Variants in ARNT2 observed in about 807,000 individuals in gnomAD.
The protein encoded by ARNT2 is aryl hydrocarbon receptor nuclear translocator 2.
Under a neutral mutation model 91.7 loss-of-function variants are expected in ARNT2, and 36 were observed. That is an observed-to-expected ratio of 0.39 (90% confidence interval 0.30 to 0.52). The LOEUF (loss-of-function observed/expected upper bound fraction) is 0.52. ARNT2 is among the 20% of genes least tolerant of loss of function. The pLI is 0.72. For synonymous variants in ARNT2, 365 were observed against 347.1 expected, an observed-to-expected ratio of 1.05 and a Z score of -0.57; for missense variants, 775 against 939.3, an observed-to-expected ratio of 0.83 and a Z score of 2.29.
intron 8 of ARNT2, among the ~76,000 whole-genome samples, chr15:80,546,836 G>T (rs1029716804): frequency 3.3e-5 from 5 of 152,028 alleles, no homozygotes; most frequent in Admixed American, 2.6e-4. Context: ...GGTGGCAGGC[G>T]CCTGTAATCC....
chr15:80,500,188 T>G (rs1248137448), intron 5 of ARNT2, among the ~76,000 whole-genome samples: 2 of 152,216 alleles, frequency 1.3e-5, no homozygotes, highest in African/African-American at 4.8e-5. Flanking sequence ...TGGTGTTTTT[T>G]CCTGTGTGCA....
intron 1 of ARNT2, among the ~76,000 whole-genome samples, chr15:80,409,480 T>C (rs1404306544): frequency 6.6e-6 from 1 of 152,224 alleles, no homozygotes; most frequent in Non-Finnish European, 1.5e-5. Flanking sequence ...ATTCACCTAC[T>C]GAAGGACATC....
chr15:80,480,270 G>C (rs1037870394), intron 5 of ARNT2, among the ~76,000 whole-genome samples: 2 of 152,150 alleles, frequency 1.3e-5, no homozygotes, highest in African/African-American at 4.8e-5. Context: ...AGCAGAGCCT[G>C]TGACTGTAAC....
In ARNT2 at chr15:80,576,915, C is replaced by G. The variant is rs758760798; in HGVS notation, c.1563C>G (p.Ile521Met). 2.5e-6 allele frequency: 4 copies of G among 1,614,128 alleles called. No homozygotes were observed. The South Asian group carries it at 4.4e-5, about 18-fold the overall frequency. Residue 521 changes from isoleucine (I) to methionine (M), a missense_variant, in exon 15 of 19, where the codon ATC becomes ATG. Transcript: ENST00000303329. ...CCTCTGCAGCAGGAACCCAGCAGATCTACTCCCAAGGAAGCCCATTTCCCT... is the reference window on the plus strand; with the variant it reads ...CCTCTGCAGCAGGAACCCAGCAGATGTACTCCCAAGGAAGCCCATTTCCCT... The part of the protein sequence containing the change: ...SSASAAGTQQ[I>M]YSQGSPFPSG...
chr15:80,514,392 C>G lies in ARNT2; in HGVS notation c.864C>G (p.Ala288=). 1 of 1,614,182 alleles carries G rather than the reference C, an allele frequency of 6.2e-7. No individual in the cohort carries two copies. Among genetic ancestry groups the G allele is most frequent in the South Asian group, 1.1e-5 (1 of 91,068 alleles). The change falls in exon 8 of 19, where the codon GCC becomes GCG. Residue 288 remains alanine (A), a synonymous_variant. Coordinates refer to ENST00000303329, the MANE Select transcript of ARNT2 (RefSeq NM_014862.4). ...AVVHCTGYIK[A]WPPAGMTIPE... is the part of the protein sequence containing the mutation. ...TCCACTGTACAGGATACATCAAGGC[C>G]TGGCCACCAGCAGGTAAGGAGACCT...
chr15:80,561,006 C>A (rs1397318765), intron 11 of ARNT2, among the ~76,000 whole-genome samples: 2 of 152,100 alleles, frequency 1.3e-5, no homozygotes, highest in South Asian at 2.1e-4. Context: ...CAGCCCCAGC[C>A]GTGGGGCCAG....
chr15:80,473,141 CG>C (rs1182079035), intron 4 of ARNT2, among the ~76,000 whole-genome samples: 1 of 152,140 alleles, frequency 6.6e-6, no homozygotes, highest in Non-Finnish European at 1.5e-5. Context: ...TTGCTGAGGG[CG>C]TGAAGTAACA....
At chr15:80,474,381 C>T (rs1215998570) in intron 4 of ARNT2, among the ~76,000 whole-genome samples, 1 of 152,128 alleles carries the variant, frequency 6.6e-6, no homozygotes, top group African/African-American at 2.4e-5. Context: ...CAGAGTTACT[C>T]TGAGAGTCTT....
chr15:80,466,407 C>T lies in ARNT2; in HGVS notation c.195-3811C>T, dbSNP rs74833340. 2.2e-3 allele frequency among the ~76,000 whole-genome samples: 338 copies of T among 152,318 alleles called. 5 individuals carry two copies. In the East Asian group the frequency reaches 0.028, roughly 13 times the overall value. On this transcript the variant is annotated intron_variant, in intron 3 of 18. Coordinates refer to ENST00000303329, the MANE Select transcript of ARNT2 (RefSeq NM_014862.4). ...GAAACTGACAGCTCTACCTGTGTCC[C>T]CAACTGTCAATTCTGTGGAGTCCTG...
chr15:80,563,044 C>A, intron 11 of ARNT2, 44 bp from the exon 12 acceptor site: 2 of 1,611,704 alleles, frequency 1.2e-6, no homozygotes, highest in Non-Finnish European at 1.7e-6. Flanking sequence ...CCGTTTGGCA[C>A]CATCCTTCCT....
intron 10 of ARNT2, 68 bp downstream of exon 10, chr15:80,552,842 T>G: frequency 1.3e-6 from 2 of 1,554,940 alleles, no homozygotes; most frequent in Non-Finnish European, 1.8e-6. Flanking sequence ...CATTCTTACT[T>G]CATTTGAGAT....
chr15:80,473,893 A>G (rs1595978453), intron 4 of ARNT2, among the ~76,000 whole-genome samples: 1 of 152,214 alleles, frequency 6.6e-6, no homozygotes. Flanking sequence ...GGGTTTTCAC[A>G]TAAGATTACA....
In ARNT2 at chr15:80,565,107, C is replaced by G. The variant is rs370022322; in HGVS notation, c.1316+1868C>G. Among the ~76,000 whole-genome samples, 28 of 152,054 alleles carry G rather than the reference C, an allele frequency of 1.8e-4. No individual in the cohort carries two copies. The East Asian group carries it at 3.3e-3, about 18-fold the overall frequency. ...CTGGCTGATTTTTTTGTATTTTTAG[C>G]AGAGATGGGGTTTTGCCATGTTGCC... On this transcript the variant is annotated intron_variant, in intron 12 of 18. Coordinates refer to ENST00000303329, the MANE Select transcript of ARNT2 (RefSeq NM_014862.4).
chr15:80,418,045 C>T (rs1895811925), intron 1 of ARNT2, among the ~76,000 whole-genome samples: 2 of 152,212 alleles, frequency 1.3e-5, no homozygotes, highest in Non-Finnish European at 2.9e-5. Flanking sequence ...ACAGTAGGTG[C>T]TCTGTAAGCA....
At chr15:80,549,720 T>C (rs973457282) in intron 8 of ARNT2, among the ~76,000 whole-genome samples, 3 of 152,158 alleles carry the variant, frequency 2.0e-5, no homozygotes, top group African/African-American at 7.2e-5. Context: ...TGGCCAAGAC[T>C]CTGGGGAAGC....
chr15:80,533,017 A>G (rs1897763360), intron 8 of ARNT2, among the ~76,000 whole-genome samples: 1 of 152,212 alleles, frequency 6.6e-6, no homozygotes. Context: ...TTTGAGCACC[A>G]GGAACAGAAG....
At chr15:80,480,765 G>C (rs973512624) in intron 5 of ARNT2, among the ~76,000 whole-genome samples, 2 of 149,504 alleles carry the variant, frequency 1.3e-5, no homozygotes, top group Non-Finnish European at 2.9e-5. Flanking sequence ...CATCCTTCCT[G>C]CCTGCCTGCC....
Position 80,549,949 on chromosome 15 carries a change from A to G in ARNT2, c.878-1250A>G, listed in dbSNP as rs1221243436. On this transcript the variant is annotated intron_variant, in intron 8 of 18. Transcript: ENST00000303329. ...ATTGCAAAATATTGGAAACACCTAA[A>G]CGTCCAGTATTTAGTGGTTGAATAA... is the stretch of plus-strand genomic sequence containing the variant. Among the ~76,000 whole-genome samples the G allele has an allele frequency of 5.9e-5, 9 of 152,392 alleles. No individual in the cohort carries two copies. The East Asian group carries it at 1.7e-3, about 29-fold the overall frequency.
At chr15:80,405,244 A>G (rs1895582389) in intron 1 of ARNT2, among the ~76,000 whole-genome samples, 1 of 152,240 alleles carries the variant, frequency 6.6e-6, no homozygotes, top group Non-Finnish European at 1.5e-5. Context: ...ATCAAGTGGC[A>G]ACATTGACTT....
Sources: allele counts gnomAD v4.1 joint callset (sites outside exome capture counted in the v4.1 genomes callset), GRCh38; gene constraint gnomAD v4.1.1; transcripts MANE v1.5; gene names NCBI Gene and HGNC (gene_info 2026-07-23, HGNC 2026-07-21).